The following CRPPA variants were observed in gnomAD, a reference collection of about 807,000 sequenced individuals.
CRPPA encodes the protein D-ribitol-5-phosphate cytidylyltransferase.
CRPPA carries 43 observed loss-of-function variants against 52.0 expected under a neutral mutation model. That is an observed-to-expected ratio of 0.83 (90% CI 0.65 to 1.07). The LOEUF (loss-of-function observed/expected upper bound fraction) is 1.07, where lower values mean the gene tolerates loss of function less well. CRPPA is among the 50% of genes least tolerant of loss of function. The pLI, the probability that CRPPA is intolerant of heterozygous loss-of-function variation, is 0.00. For synonymous variants in CRPPA, 250 were observed against 203.5 expected (o/e 1.23, Z -1.94); for missense variants, 629 against 551.7 (o/e 1.14, Z -1.40).
chr7:16,117,828 T>C (rs1207100234), intron 9 of CRPPA, among the ~76,000 whole-genome samples: 1 of 152,184 alleles, frequency 6.6e-6, no homozygotes, highest in Non-Finnish European at 1.5e-5. Context: ...TACACGTCAG[T>C]TCCAGAGTCC....
intron 9 of CRPPA, among the ~76,000 whole-genome samples, chr7:16,191,526 C>G (rs1490833498): frequency 6.6e-6 from 1 of 152,062 alleles, no homozygotes; most frequent in African/African-American, 2.4e-5. Context: ...TAAGAATTGC[C>G]TCGGCACTGT....
At chr7:16,215,945 G>T in intron 9 of CRPPA, 121 bp downstream of exon 9, 3 of 757,782 alleles carry the variant, frequency 4.0e-6, no homozygotes, top group Non-Finnish European at 6.3e-6. Context: ...ACACATAGAT[G>T]AGTAACTTTC....
At chr7:16,278,762 G>T (rs1369906501) in intron 5 of CRPPA, among the ~76,000 whole-genome samples, 1 of 152,146 alleles carries the variant, frequency 6.6e-6, no homozygotes, top group Admixed American at 6.5e-5. Flanking sequence ...ACAACTGAAA[G>T]AATTTTCTTC....
At chr7:16,366,118 T>C (rs1220328496) in intron 3 of CRPPA, among the ~76,000 whole-genome samples, 1 of 152,234 alleles carries the variant, frequency 6.6e-6, no homozygotes, top group African/African-American at 2.4e-5. Context: ...TAGCACCTTC[T>C]TGTTGCATCA....
intron 5 of CRPPA, among the ~76,000 whole-genome samples, chr7:16,289,238 A>G (rs1406446460): frequency 6.6e-6 from 1 of 152,152 alleles, no homozygotes; most frequent in Non-Finnish European, 1.5e-5. Flanking sequence ...CGAAAAGCCC[A>G]GGACCAGATA....
chr7:16,318,401 T>G (rs992092035), intron 3 of CRPPA, among the ~76,000 whole-genome samples: 3 of 152,174 alleles, frequency 2.0e-5, no homozygotes, highest in Non-Finnish European at 4.4e-5. Flanking sequence ...TGAAAAAAAG[T>G]CCAACCCACT....
At chr7:16,287,264 T>C (rs969015820) in intron 5 of CRPPA, among the ~76,000 whole-genome samples, 4 of 152,198 alleles carry the variant, frequency 2.6e-5, no homozygotes, top group Admixed American at 6.5e-5. Context: ...ATTTTTTTCC[T>C]CTAACACTGT....
chr7:16,169,009 T>C (rs928876807), intron 9 of CRPPA, among the ~76,000 whole-genome samples: 1 of 152,170 alleles, frequency 6.6e-6, no homozygotes, highest in Admixed American at 6.5e-5. Context: ...GAAATTTTGT[T>C]AGGAAAGTTT....
intron 8 of CRPPA, among the ~76,000 whole-genome samples, chr7:16,257,781 G>C (rs1783683675): frequency 6.6e-6 from 1 of 152,026 alleles, no homozygotes; most frequent in African/African-American, 2.4e-5. Flanking sequence ...CTTGGGCTCT[G>C]ATTTTGTTCC....
intron 3 of CRPPA, among the ~76,000 whole-genome samples, chr7:16,357,161 ATATT>A (rs34428357): frequency 0.04 from 5,978 of 149,352 alleles, 400 homozygotes; most frequent in African/African-American, 0.14. Flanking sequence ...CCTTTAGGGG[ATATT>A]TATTTATTTA....
chr7:16,372,114 G>A (rs995014812), intron 3 of CRPPA, among the ~76,000 whole-genome samples: 1 of 152,124 alleles, frequency 6.6e-6, no homozygotes, highest in Non-Finnish European at 1.5e-5. Flanking sequence ...TAAGAGTTTG[G>A]AAAACTTATT....
At chr7:16,113,440 C>A (rs1340172271) in intron 9 of CRPPA, among the ~76,000 whole-genome samples, 1 of 151,846 alleles carries the variant, frequency 6.6e-6, no homozygotes. Context: ...CCACCAACTA[C>A]AGAACAAAAA....
At chr7:16,405,004 A>G (rs1258112286) in intron 2 of CRPPA, among the ~76,000 whole-genome samples, 1 of 152,170 alleles carries the variant, frequency 6.6e-6, no homozygotes, top group Non-Finnish European at 1.5e-5. Context: ...TTCATGTTGC[A>G]GAAGGAAGAG....
chr7:16,088,094 A>G lies in CRPPA; in HGVS notation c.*3601T>C, dbSNP rs1276776785. On this transcript the variant is annotated 3_prime_UTR_variant, in exon 10 of 10. Transcript: ENST00000407010. ...TAAATGAGTATACTTGCAACAAGTC[A>G]TCTCAAATTGAGCACTTTTATGAAA... is the stretch of plus-strand genomic sequence containing the variant. The G allele has an allele frequency of 6.6e-6, 1 of 152,210 alleles. No individual in the cohort carries two copies. The highest frequency in any genetic ancestry group is 1.5e-5 in the Non-Finnish European group (1 of 68,032). The allele number at this position is 152,210 out of a possible 1,614,324, so 9.4% of individuals were successfully genotyped here. A position where few individuals can be genotyped will look rare whatever the true frequency, so the allele number is the denominator to read the frequency against.
At chr7:16,108,594 T>G (rs748653975) in intron 9 of CRPPA, among the ~76,000 whole-genome samples, 5 of 151,808 alleles carry the variant, frequency 3.3e-5, no homozygotes, top group Non-Finnish European at 5.9e-5. Context: ...GAACAATACT[T>G]TAGACCATAT....
chr7:16,222,349 A>G (rs1782536194), intron 8 of CRPPA, among the ~76,000 whole-genome samples: 1 of 147,852 alleles, frequency 6.8e-6, no homozygotes, highest in South Asian at 2.2e-4. Context: ...ATGCTAGATG[A>G]CGAGTTAGTG....
intron 9 of CRPPA, among the ~76,000 whole-genome samples, chr7:16,111,477 T>C (rs997649330): frequency 5.3e-5 from 8 of 152,206 alleles, no homozygotes; most frequent in African/African-American, 1.4e-4. Context: ...CTCACTCCCA[T>C]GGTCATTGCA....
intron 9 of CRPPA, among the ~76,000 whole-genome samples, chr7:16,215,074 T>C (rs1488782937): frequency 6.6e-6 from 1 of 152,188 alleles, no homozygotes; most frequent in East Asian, 1.9e-4. Context: ...TAAAAGATGG[T>C]CCTTATATTT....
intron 9 of CRPPA, among the ~76,000 whole-genome samples, chr7:16,158,567 A>G (rs1783236159): frequency 1.3e-5 from 2 of 152,166 alleles, no homozygotes; most frequent in Non-Finnish European, 2.9e-5. Context: ...GATGTTTTTT[A>G]TATCTAAAAG....
Sources: allele counts gnomAD v4.1 joint callset (sites outside exome capture counted in the v4.1 genomes callset), GRCh38; gene constraint gnomAD v4.1.1; transcripts MANE v1.5; gene names NCBI Gene and HGNC (gene_info 2026-07-23, HGNC 2026-07-21).